The following DPYD variants were observed in gnomAD, a reference collection of about 807,000 sequenced individuals.
The protein encoded by DPYD is dihydropyrimidine dehydrogenase.
Under a neutral mutation model 116.2 loss-of-function variants are expected in DPYD, and 109 were observed. The ratio of observed to expected loss-of-function variants is 0.94; its 90% CI spans 0.80 to 1.10. The LOEUF is 1.10. DPYD is among the 50% of genes least tolerant of loss of function. The pLI, the probability that DPYD is intolerant of heterozygous loss-of-function variation, is 0.00. For synonymous variants in DPYD, 440 were observed against 432.0 expected (o/e 1.02, Z -0.23); for missense variants, 1,302 against 1,254.5 (o/e 1.04, Z -0.57).
chr1:97,775,316 A>G (rs1261377141), intron 3 of DPYD, among the ~76,000 whole-genome samples: 1 of 152,184 alleles, frequency 6.6e-6, no homozygotes, highest in Non-Finnish European at 1.5e-5. Context: ...AATTCTGCAG[A>G]CAAAATTTTT....
At position 97,169,156 on chromosome 1, in the gene DPYD, G is replaced by C. The variant is rs111336203; in HGVS notation, c.2622+23913C>G. The stretch of plus-strand genomic sequence containing the variant: ...AGCCACTACACCCAGCAGTGATTCT[G>C]TTTTGCTCAAGAAGAATAATCAAAC... On this transcript the variant is annotated intron_variant, in intron 20 of 22. Coordinates refer to ENST00000370192, the MANE Select transcript of DPYD (RefSeq NM_000110.4). Among the ~76,000 whole-genome samples, 1,439 of 152,138 alleles carry C rather than the reference G, an allele frequency of 9.5e-3. 10 individuals are homozygous for C. The highest frequency in any genetic ancestry group is 0.016 in the Non-Finnish European group (1,054 of 67,992).
At chr1:97,545,474 C>G (rs567900158) in intron 12 of DPYD, among the ~76,000 whole-genome samples, 1 of 152,132 alleles carries the variant, frequency 6.6e-6, no homozygotes, top group Non-Finnish European at 1.5e-5. Flanking sequence ...ATGTTAAATA[C>G]TGGAGTTGGA....
chr1:97,260,165 G>A lies in DPYD; in HGVS notation c.2300-25171C>T, dbSNP rs191768562. 5.6e-3 allele frequency among the ~76,000 whole-genome samples: 852 copies of A among 152,174 alleles called. 3 individuals are homozygous for A. The highest frequency in any genetic ancestry group is 0.01 in the Non-Finnish European group (691 of 67,986). On this transcript the variant is annotated intron_variant, in intron 18 of 22. Transcript: ENST00000370192. The stretch of plus-strand genomic sequence containing the variant: ...TAAACATCAATCAGTTTCAAGAATG[G>A]CACTTGCTTGTAAAATGGTAATAAT...
intron 4 of DPYD, among the ~76,000 whole-genome samples, chr1:97,738,412 T>A (rs1002465312): frequency 3.9e-5 from 6 of 152,120 alleles, no homozygotes; most frequent in Non-Finnish European, 8.8e-5. Context: ...AATGGAAGTA[T>A]TGGCCTAAAC....
At chr1:97,868,785 T>G (rs1021385197) in intron 2 of DPYD, among the ~76,000 whole-genome samples, 5 of 151,828 alleles carry the variant, frequency 3.3e-5, no homozygotes, top group Non-Finnish European at 7.4e-5. Flanking sequence ...AACTTAATCG[T>G]AATTTTAACA....
At position 97,625,989 on chromosome 1, in the gene DPYD, A is replaced by C. The variant is rs72975744; in HGVS notation, c.851-30823T>G. 2.3e-3 allele frequency among the ~76,000 whole-genome samples: 344 copies of C among 152,128 alleles called. 2 individuals are homozygous for C. The highest frequency in any genetic ancestry group is 7.9e-3 in the African/African-American group (327 of 41,548). ...GATGAATCTGTCAATACAAATAAAT[A>C]ATTGTTCTTTTCGGGTCATTTCAAA... On this transcript the variant is annotated intron_variant, in intron 8 of 22. Coordinates refer to ENST00000370192, the MANE Select transcript of DPYD (RefSeq NM_000110.4).
At chr1:97,228,793 G>A (rs1187656029) in intron 19 of DPYD, among the ~76,000 whole-genome samples, 1 of 152,114 alleles carries the variant, frequency 6.6e-6, no homozygotes, top group African/African-American at 2.4e-5. Context: ...ACAGAATTCG[G>A]TTGGGCAATG....
chr1:97,597,637 G>A (rs1654975245), intron 8 of DPYD, among the ~76,000 whole-genome samples: 1 of 152,058 alleles, frequency 6.6e-6, no homozygotes, highest in Non-Finnish European at 1.5e-5. Context: ...CAATAATGTG[G>A]GTGGGCCCTA....
intron 19 of DPYD, among the ~76,000 whole-genome samples, chr1:97,210,933 C>T (rs3897932): frequency 6.6e-6 from 1 of 152,162 alleles, no homozygotes; most frequent in Non-Finnish European, 1.5e-5. Context: ...GTTGCCATAA[C>T]CACAGCTTCT....
At chr1:97,082,285 G>GA (rs1281759552) in intron 22 of DPYD, 45 bp downstream of exon 22, 4 of 1,612,048 alleles carry the variant, frequency 2.5e-6, no homozygotes, top group Non-Finnish European at 3.4e-6. Flanking sequence ...GTAAAAACAA[G>GA]AAGAAACATG....
At position 97,078,002 on chromosome 1, in the gene DPYD, T is replaced by G. The variant is rs2101546592; in HGVS notation, c.*974A>C. 1 of 152,226 alleles carries G rather than the reference T, an allele frequency of 6.6e-6. No individual in the cohort carries two copies. The highest frequency in any genetic ancestry group is 2.4e-5 in the African/African-American group (1 of 41,568). 9.4% of individuals were successfully genotyped at this position (152,226 alleles called of 1,614,324 possible). On this transcript the variant is annotated 3_prime_UTR_variant, in exon 23 of 23. Coordinates refer to ENST00000370192, the MANE Select transcript of DPYD (RefSeq NM_000110.4). The stretch of plus-strand genomic sequence containing the variant: ...AGAGAAATACAAAAATATTATCTAA[T>G]AATAACAAAAAATATATTTCTTTTA...
At chr1:97,257,452 T>TATATATAG (rs375490078) in intron 18 of DPYD, among the ~76,000 whole-genome samples, 32 of 126,468 alleles carry the variant, frequency 2.5e-4, no homozygotes, top group African/African-American at 9.7e-4. Flanking sequence ...TATATATATA[T>TATATATAG]AGAGAGAGAG....
At chr1:97,322,313 T>C (rs1264034710) in intron 16 of DPYD, among the ~76,000 whole-genome samples, 1 of 150,666 alleles carries the variant, frequency 6.6e-6, no homozygotes, top group Non-Finnish European at 1.5e-5. Context: ...CTGTAGGAGC[T>C]GGAAAGAAAT....
chr1:97,709,416 T>G (rs1454476898), intron 5 of DPYD, among the ~76,000 whole-genome samples: 1 of 151,870 alleles, frequency 6.6e-6, no homozygotes. Context: ...TTAATTTTAC[T>G]TTTTAAATTT....
intron 18 of DPYD, among the ~76,000 whole-genome samples, chr1:97,300,006 T>A (rs995987799): frequency 3.3e-5 from 5 of 152,282 alleles, no homozygotes; most frequent in African/African-American, 1.2e-4. Context: ...ACCAAAGTGA[T>A]AATTTATAAT....
At chr1:97,853,933 C>A (rs1276729673) in intron 2 of DPYD, among the ~76,000 whole-genome samples, 5 of 152,214 alleles carry the variant, frequency 3.3e-5, no homozygotes, top group African/African-American at 1.2e-4. Context: ...AAAAAAGAAT[C>A]TCATATAAGA....
intron 18 of DPYD, among the ~76,000 whole-genome samples, chr1:97,265,164 C>T (rs1274882481): frequency 1.3e-5 from 2 of 152,086 alleles, no homozygotes; most frequent in African/African-American, 2.4e-5. Context: ...TTCCCAAGCT[C>T]ATGGTAGTAG....
At chr1:97,627,016 T>C (rs1448358602) in intron 8 of DPYD, among the ~76,000 whole-genome samples, 2 of 151,980 alleles carry the variant, frequency 1.3e-5, no homozygotes, top group Non-Finnish European at 2.9e-5. Context: ...CTCAGATCAG[T>C]GTGTCAGCAT....
intron 3 of DPYD, among the ~76,000 whole-genome samples, chr1:97,771,892 T>C (rs1317386464): frequency 6.6e-6 from 1 of 152,152 alleles, no homozygotes; most frequent in Non-Finnish European, 1.5e-5. Context: ...ACAAAATATA[T>C]TATAAAATAT....
Sources: gnomAD v4.1 joint callset for allele counts (sites outside exome capture counted in the v4.1 genomes callset) on GRCh38, gnomAD v4.1.1 for gene constraint, MANE v1.5 for transcripts, NCBI Gene and HGNC (gene_info 2026-07-23, HGNC 2026-07-21) for gene names.